The following NSG2 variants were observed in gnomAD, a reference collection of about 807,000 sequenced individuals.
The protein encoded by NSG2 is neuronal vesicle trafficking-associated protein 2.
A neutral mutation model predicts 16.9 loss-of-function variants in NSG2; 4 were observed. The ratio of observed to expected loss-of-function variants is 0.24; its 90% CI spans 0.12 to 0.54. NSG2 has a LOEUF of 0.54. Among genes scored for constraint, NSG2 ranks in the 20% least tolerant of loss-of-function variants. The pLI is 0.95. For missense variants in NSG2, 179 were observed against 221.1 expected (o/e 0.81, Z 1.21); for synonymous variants, 98 against 88.7 (o/e 1.11, Z -0.59).
chr5:174,048,704 C>G (rs1479373425), intron 2 of NSG2, among the ~76,000 whole-genome samples: 4 of 152,114 alleles, frequency 2.6e-5, no homozygotes, highest in Non-Finnish European at 5.9e-5. Context: ...TGGTCTCTGT[C>G]CCCCCTTACT....
At chr5:174,088,957 A>C (rs149178060) in intron 3 of NSG2, among the ~76,000 whole-genome samples, 185 of 152,282 alleles carry the variant, frequency 1.2e-3, no homozygotes, top group African/African-American at 4.4e-3. Context: ...GCCTGGGAAC[A>C]TGTGGGCTTT....
At chr5:174,077,083 A>G (rs917917821) in intron 3 of NSG2, among the ~76,000 whole-genome samples, 5 of 152,302 alleles carry the variant, frequency 3.3e-5, no homozygotes, top group Admixed American at 3.3e-4. Context: ...GAAGCTCAAT[A>G]AAAAAATGAG....
chr5:174,096,064 T>C (rs56149391), intron 3 of NSG2, among the ~76,000 whole-genome samples: 3,235 of 152,342 alleles, frequency 0.021, 55 homozygotes, highest in Middle Eastern at 0.068. Context: ...AGTCTTCTCA[T>C]CTGAAAAATG....
intron 3 of NSG2, among the ~76,000 whole-genome samples, chr5:174,080,965 T>G (rs1053564212): frequency 9.9e-5 from 15 of 152,188 alleles, no homozygotes; most frequent in Non-Finnish European, 1.5e-5. Flanking sequence ...CTTGTTAAAT[T>G]TATTCCAAAG....
chr5:174,064,929 G>C (rs1047884042), intron 3 of NSG2, among the ~76,000 whole-genome samples: 2 of 152,228 alleles, frequency 1.3e-5, no homozygotes, highest in African/African-American at 4.8e-5. Context: ...GCAGGTACAA[G>C]GTGCTTGCAG....
At chr5:174,053,928 C>T (rs897205955) in intron 2 of NSG2, among the ~76,000 whole-genome samples, 1 of 152,172 alleles carries the variant, frequency 6.6e-6, no homozygotes, top group South Asian at 2.1e-4. Context: ...TAGCATTTGA[C>T]TGGTATGCTT....
chr5:174,079,650 G>A (rs1054971934), intron 3 of NSG2, among the ~76,000 whole-genome samples: 3 of 152,040 alleles, frequency 2.0e-5, no homozygotes, highest in African/African-American at 7.2e-5. Context: ...TTCTTATCTG[G>A]CTGGACCATT....
intron 2 of NSG2, among the ~76,000 whole-genome samples, chr5:174,052,784 T>A (rs1424511077): frequency 2.0e-5 from 3 of 152,108 alleles, no homozygotes; most frequent in African/African-American, 7.2e-5. Flanking sequence ...AGGAAAACAG[T>A]GCAGCCAAGA....
intron 2 of NSG2, among the ~76,000 whole-genome samples, chr5:174,055,753 G>T (rs1759958924): frequency 6.6e-6 from 1 of 152,180 alleles, no homozygotes; most frequent in Non-Finnish European, 1.5e-5. Context: ...AAGAGCTCCA[G>T]ACTGAGAGTT....
intron 3 of NSG2, among the ~76,000 whole-genome samples, chr5:174,090,562 C>T (rs1395524925): frequency 6.6e-6 from 1 of 152,190 alleles, no homozygotes; most frequent in African/African-American, 2.4e-5. Context: ...TCCAGCTTCC[C>T]AGACACCAGC....
rs111292177 is a variant in NSG2 at position 174,097,843 on chromosome 5, C to CTGTG, written c.214-6367_214-6364dup. Among the ~76,000 whole-genome samples, 16 of 144,450 alleles carry CTGTG rather than the reference C, an allele frequency of 1.1e-4. 1 individual carries two copies. Among genetic ancestry groups the CTGTG allele is most frequent in the South Asian group, 6.6e-4 (3 of 4,530 alleles). The allele number at this position is 144,450 out of a possible 152,430, so 94.8% of individuals were successfully genotyped here. A position where few individuals can be genotyped will look rare whatever the true frequency, so the allele number is the denominator to read the frequency against. ...TGTGAGTGTGTCTCTTTGTGTGTGT[C>CTGTG]TGTGTGTGTGTGTGTGTGTGTATGA... On this transcript the variant is annotated intron_variant, in intron 3 of 4. Coordinates refer to ENST00000303177, the MANE Select transcript of NSG2 (RefSeq NM_015980.5).
At chr5:174,091,133 G>A (rs902153867) in intron 3 of NSG2, 5 of 150,756 alleles carry the variant, frequency 3.3e-5, no homozygotes, top group African/African-American at 4.9e-5. Flanking sequence ...TTGGGCTGCC[G>A]GGCTCATGTC....
intron 2 of NSG2, among the ~76,000 whole-genome samples, chr5:174,051,837 A>G (rs543535320): frequency 1.3e-5 from 2 of 152,240 alleles, no homozygotes; most frequent in Non-Finnish European, 2.9e-5. Flanking sequence ...GGACCTAATT[A>G]TAATGACAAG....
In NSG2 at chr5:174,067,840, T is replaced by C. The variant is rs546479828; in HGVS notation, c.213+3525T>C. ...TGGAATTTACAGGACTTGCTCCTGG[T>C]TGGAGGAAGGGCATTGGGGGACTCT... On this transcript the variant is annotated intron_variant, in intron 3 of 4. Coordinates refer to ENST00000303177, the MANE Select transcript of NSG2 (RefSeq NM_015980.5). 5.3e-5 allele frequency among the ~76,000 whole-genome samples: 8 copies of C among 152,092 alleles called. No individual in the cohort carries two copies. In the East Asian group the frequency reaches 1.2e-3, roughly 22 times the overall value.
In NSG2 at chr5:174,072,257, A is replaced by T. The variant is rs1760257351; in HGVS notation, c.213+7942A>T. Among the ~76,000 whole-genome samples the T allele has an allele frequency of 1.3e-5, 2 of 152,264 alleles. No individual in the cohort carries two copies. The highest frequency in any genetic ancestry group is 4.1e-4 in the South Asian group (2 of 4,820). ...CCTCCCCTTCTAGAGCACATGCCCC[A>T]CAGTGGCATTTCTGTGCCTCCATTG... On this transcript the variant is annotated intron_variant, in intron 3 of 4. Transcript: ENST00000303177. The surrounding 1 kb of genome is among the most constrained non-coding windows in gnomAD (Gnocchi z 4.0).
chr5:174,052,000 G>T (rs1481378737), intron 2 of NSG2, among the ~76,000 whole-genome samples: 6 of 152,146 alleles, frequency 3.9e-5, no homozygotes, highest in African/African-American at 1.4e-4. Context: ...TTTTCAAAAG[G>T]TATTTAAAGC....
intron 3 of NSG2, among the ~76,000 whole-genome samples, chr5:174,102,706 T>C (rs1481085989): frequency 6.6e-6 from 1 of 152,162 alleles, no homozygotes; most frequent in Non-Finnish European, 1.5e-5. Flanking sequence ...ATATTTAAGC[T>C]GGAGACCACT....
chr5:174,100,782 T>C (rs2113476280), intron 3 of NSG2, among the ~76,000 whole-genome samples: 1 of 152,358 alleles, frequency 6.6e-6, no homozygotes, highest in Middle Eastern at 3.4e-3. Context: ...AGGGAACCTG[T>C]CCCACAGGCA....
chr5:174,052,141 G>A (rs1480422278), intron 2 of NSG2, among the ~76,000 whole-genome samples: 2 of 152,180 alleles, frequency 1.3e-5, no homozygotes, highest in South Asian at 2.1e-4. Context: ...TGTCCAATCA[G>A]TCCTCCACGC....
Sources: gnomAD v4.1 joint callset for allele counts (sites outside exome capture counted in the v4.1 genomes callset) on GRCh38, gnomAD v4.1.1 for gene constraint, Gnocchi (gnomAD v3.1) non-coding constraint, MANE v1.5 for transcripts, NCBI Gene and HGNC (gene_info 2026-07-23, HGNC 2026-07-21) for gene names.